JAG1: variants seen among roughly 807,000 people sequenced by gnomAD.
JAG1 encodes the protein jagged canonical Notch ligand 1.
In JAG1, 23 loss-of-function variants were observed where a neutral mutation model predicts 148.7. The ratio of observed to expected loss-of-function variants is 0.15; its 90% CI spans 0.11 to 0.22. JAG1 has a LOEUF of 0.22. Ranked by LOEUF, JAG1 falls within the 10% of genes least tolerant of loss-of-function variation. JAG1 has a pLI of 1.00. For synonymous variants in JAG1, 572 were observed against 598.3 expected (o/e 0.96, Z 0.64); for missense variants, 1,054 against 1,611.2 (o/e 0.65, Z 5.92).
intron 3 of JAG1, among the ~76,000 whole-genome samples, chr20:10,661,116 A>T (rs1052667782): frequency 6.6e-6 from 1 of 152,224 alleles, no homozygotes; most frequent in African/African-American, 2.4e-5. Context: ...TATATACCAC[A>T]GTCCCAAAAT....
rs758489763 is a variant in JAG1, at chr20:10,673,018, G to A, written c.82-12C>T. On this transcript the variant is annotated splice_polypyrimidine_tract_variant and intron_variant, in intron 1 of 25. Coordinates refer to ENST00000254958, the MANE Select transcript of JAG1 (RefSeq NM_000214.3). The surrounding 1 kb of genome is among the most constrained non-coding windows in gnomAD (Gnocchi z 4.7). Reference sequence around the variant, plus strand: ...GAGGCCCCACACACCTGCCGGCGAGGGAAGGAGGTAGGTCAGCGCGGGAGA... The same window carrying A: ...GAGGCCCCACACACCTGCCGGCGAGAGAAGGAGGTAGGTCAGCGCGGGAGA... 1 of 1,604,830 alleles carries A rather than the reference G, an allele frequency of 6.2e-7. No individual in the cohort carries two copies. The highest frequency in any genetic ancestry group is 2.2e-5 in the East Asian group (1 of 44,864).
Position 10,640,932 on chromosome 20 carries a change from G to A in JAG1, c.3050C>T (p.Ser1017Phe), listed in dbSNP as rs750239030. The change falls in exon 25 of 26, where the codon TCT (serine) becomes TTT (phenylalanine). Residue 1017 changes from serine (S) to phenylalanine (F), a missense_variant and splice_region_variant. This residue lies in a region of JAG1 where 342 missense variants were observed against 514.6 expected (regional missense o/e 0.66). Transcript: ENST00000254958. ...CCCATCATCCCGTATATCTTCAGCA[G>A]ACTGGAAAAACAATTGTCAGACTTG... ...SANNEIHVAISAEDIRDDGNP... is the reference protein window; with the variant it reads ...SANNEIHVAIFAEDIRDDGNP... The A allele has an allele frequency of 6.2e-7, 1 of 1,614,108 alleles. No individual in the cohort carries two copies. The highest frequency in any genetic ancestry group is 1.1e-5 in the South Asian group (1 of 91,078).
At chr20:10,665,212 G>C (rs895066392) in intron 2 of JAG1, among the ~76,000 whole-genome samples, 1 of 152,186 alleles carries the variant, frequency 6.6e-6, no homozygotes, top group Non-Finnish European at 1.5e-5. Flanking sequence ...AGGGTAAAAG[G>C]GAGTTTCATT....
At chr20:10,668,465 C>A (rs951738524) in intron 2 of JAG1, among the ~76,000 whole-genome samples, 2 of 152,176 alleles carry the variant, frequency 1.3e-5, no homozygotes, top group African/African-American at 4.8e-5. Context: ...GGAGTATTTG[C>A]ATTTATGGAT....
At chr20:10,672,664 AGGCTCCGCCC>A in intron 2 of JAG1, 27 bp downstream of exon 2, 1 of 1,603,534 alleles carries the variant, frequency 6.2e-7, no homozygotes, top group African/African-American at 1.3e-5. Context: ...CGCGGGTGTG[AGGCTCCGCCC>A]GGCCTCCTTC....
chr20:10,643,934 TCAC>T, intron 19 of JAG1, 71 bp from the exon 20 acceptor site: 1 of 1,136,812 alleles, frequency 8.8e-7, no homozygotes, highest in Non-Finnish European at 1.3e-6. Flanking sequence ...CACTCACATG[TCAC>T]CACACCAGTT....
At chr20:10,670,129 C>T (rs117813807) in intron 2 of JAG1, among the ~76,000 whole-genome samples, 2 of 152,154 alleles carry the variant, frequency 1.3e-5, no homozygotes, top group Non-Finnish European at 2.9e-5. Context: ...ACATGCACAC[C>T]AGAACATGGA....
At chr20:10,647,200 G>C in intron 13 of JAG1, 97 bp from the exon 14 acceptor site, 1 of 1,420,564 alleles carries the variant, frequency 7.0e-7, no homozygotes, top group Non-Finnish European at 9.9e-7. Flanking sequence ...CCTGGAGACA[G>C]GGACCCTCTG....
intron 11 of JAG1, 121 bp from the exon 12 acceptor site, chr20:10,648,843 G>T: frequency 1.9e-6 from 2 of 1,045,846 alleles, no homozygotes; most frequent in East Asian, 2.6e-5. Flanking sequence ...ATAGCCAAAT[G>T]CTAAACCTCT....
At position 10,645,588 on chromosome 20, in the gene JAG1, C is replaced by T. The variant is rs1033774725; in HGVS notation, c.2000-119G>A. On this transcript the variant is annotated intron_variant, in intron 15 of 25. Transcript: ENST00000254958. This position sits in a 1 kb window ranked among gnomAD's most constrained non-coding sequence, Gnocchi z 6.1. ...ATCCTATTCTGAGAACAGCCACAGT[C>T]GTAGTACTTTAACACAATCAGGCTT... is the stretch of plus-strand genomic sequence containing the variant. 2.3e-5 allele frequency: 19 copies of T among 819,132 alleles called. No homozygotes were observed. The highest frequency in any genetic ancestry group is 7.8e-5 in the Admixed American group (4 of 51,268). The allele number at this position is 819,132 out of a possible 1,614,324, so 50.7% of individuals were successfully genotyped here.
intron 25 of JAG1, 119 bp downstream of exon 25, chr20:10,640,664 T>G: frequency 9.6e-7 from 1 of 1,041,254 alleles, no homozygotes; most frequent in Non-Finnish European, 1.5e-6. Flanking sequence ...CTCAGTTAAA[T>G]TGGGAGCTCC....
At chr20:10,659,100 G>A (rs184681255) in intron 3 of JAG1, among the ~76,000 whole-genome samples, 32 of 152,298 alleles carry the variant, frequency 2.1e-4, no homozygotes, top group African/African-American at 7.0e-4. Context: ...ATCAGAGTCC[G>A]TGCACAACAA....
chr20:10,665,767 C>A (rs540214379), intron 2 of JAG1, among the ~76,000 whole-genome samples: 1 of 152,238 alleles, frequency 6.6e-6, no homozygotes, highest in South Asian at 2.1e-4. Context: ...TGCACAAGCG[C>A]TAAACACATA....
chr20:10,662,145 T>C (rs1465655654), intron 3 of JAG1: 1 of 152,172 alleles, frequency 6.6e-6, no homozygotes, highest in East Asian at 1.9e-4. Context: ...GTTCACCAAG[T>C]GAGTTTTGAT....
chr20:10,665,546 C>G (rs566669952), intron 2 of JAG1, among the ~76,000 whole-genome samples: 13 of 152,200 alleles, frequency 8.5e-5, no homozygotes, highest in Non-Finnish European at 1.9e-4. Context: ...CTGCAAATTA[C>G]AGGACTCTTC....
At chr20:10,649,462 G>A (rs1451846750) in intron 10 of JAG1, 60 bp downstream of exon 10, 10 of 1,038,228 alleles carry the variant, frequency 9.6e-6, no homozygotes, top group Admixed American at 3.6e-5. Flanking sequence ...GCCCCAGTAC[G>A]GACCAGCAAG....
In JAG1 at chr20:10,648,584, G is replaced by A; in HGVS notation, c.1534C>T (p.Leu512=). Residue 512 remains leucine (L), a synonymous_variant, in exon 12 of 26, where the codon CTG becomes TTG. Transcript: ENST00000254958. ...TTTCCAGAGAAACCAGTGGGACACA[G>A]ACACTGGAATCTGTTGATTTCATTC... ...CQNEINRFQC[L]CPTGFSGNLC... is the part of the protein sequence containing the mutation. The A allele has an allele frequency of 6.2e-7, 1 of 1,613,978 alleles. No individual in the cohort carries two copies. Among genetic ancestry groups the A allele is most frequent in the South Asian group, 1.1e-5 (1 of 91,076 alleles).
At chr20:10,643,905 C>T (rs2067290328) in intron 19 of JAG1, 42 bp from the exon 20 acceptor site, 2 of 1,465,982 alleles carry the variant, frequency 1.4e-6, no homozygotes, top group Non-Finnish European at 1.9e-6. Context: ...CCTCCCAGTC[C>T]ATTACTCTGG....
intron 12 of JAG1, 23 bp downstream of exon 12, chr20:10,648,526 T>C: frequency 6.2e-7 from 1 of 1,610,460 alleles, no homozygotes; most frequent in Non-Finnish European, 8.5e-7. Flanking sequence ...AACTTGGCCA[T>C]CTGAGGTTTT....
Sources: gnomAD v4.1 joint callset for allele counts (sites outside exome capture counted in the v4.1 genomes callset) on GRCh38, gnomAD v4.1.1 for gene constraint, gnomAD v4.1.1 regional missense constraint, Gnocchi (gnomAD v3.1) non-coding constraint, MANE v1.5 for transcripts, NCBI Gene and HGNC (gene_info 2026-07-23, HGNC 2026-07-21) for gene names.